PARN: variants seen among roughly 807,000 people sequenced by gnomAD.
The protein encoded by PARN is poly(A)-specific ribonuclease PARN.
PARN carries 71 observed loss-of-function variants against 102.8 expected under a neutral mutation model. The observed-to-expected ratio is 0.69, with a 90% CI of 0.57 to 0.84. The LOEUF (loss-of-function observed/expected upper bound fraction) is 0.84, where lower values mean the gene tolerates loss of function less well. PARN is among the 40% of genes least tolerant of loss of function. PARN has a pLI of 0.00. For missense variants in PARN, 782 were observed against 760.9 expected (o/e 1.03, Z -0.33); for synonymous variants, 261 against 252.9 (o/e 1.03, Z -0.30).
chr16:14,578,331 C>CAAAAAA (rs1199897215), intron 18 of PARN, among the ~76,000 whole-genome samples: 2 of 44,952 alleles, frequency 4.4e-5, no homozygotes, highest in Non-Finnish European at 8.3e-5. Context: ...TCTGTCTCAC[C>CAAAAAA]AAAAAAAAAA....
intron 14 of PARN, 108 bp from the exon 15 acceptor site, chr16:14,584,899 T>G (rs1596752949): frequency 1.6e-6 from 1 of 620,642 alleles, no homozygotes; most frequent in East Asian, 3.2e-5. Flanking sequence ...AAAACATAAT[T>G]AAAACATAAA....
intron 18 of PARN, among the ~76,000 whole-genome samples, chr16:14,569,391 C>G (rs562963994): frequency 8.5e-5 from 13 of 152,286 alleles, no homozygotes; most frequent in Admixed American, 4.6e-4. Flanking sequence ...TGCTGCCCAA[C>G]CAGGTGGAGA....
chr16:14,615,060 T>C (rs1176798161), intron 6 of PARN, among the ~76,000 whole-genome samples: 5 of 151,694 alleles, frequency 3.3e-5, no homozygotes, highest in South Asian at 4.2e-4. Context: ...CAAAAGGAAC[T>C]TGAGAGAAGA....
At chr16:14,532,172 TG>T (rs1027677822) in intron 21 of PARN, among the ~76,000 whole-genome samples, 4 of 149,390 alleles carry the variant, frequency 2.7e-5, no homozygotes, top group African/African-American at 9.8e-5. Context: ...ATTCAAACTC[TG>T]ATTTTTTTTT....
chr16:14,495,611 G>A (rs868814781), intron 21 of PARN, among the ~76,000 whole-genome samples: 3 of 152,198 alleles, frequency 2.0e-5, no homozygotes, highest in African/African-American at 2.4e-5. Context: ...GAGAGTGAGC[G>A]AGGAACCACG....
intron 18 of PARN, 22 bp downstream of exon 18, chr16:14,580,852 C>A (rs775853012): frequency 4.0e-6 from 6 of 1,488,062 alleles, no homozygotes; most frequent in African/African-American, 1.4e-5. Flanking sequence ...AACTTGGAAA[C>A]TGGAACTCTC....
intron 17 of PARN, 23 bp downstream of exon 17, chr16:14,582,158 A>C: frequency 7.0e-7 from 1 of 1,422,326 alleles, no homozygotes; most frequent in Non-Finnish European, 1.0e-6. Context: ...TGCGTGTTTG[A>C]CTGAAAGACA....
At chr16:14,510,201 G>A (rs1430491483) in intron 21 of PARN, among the ~76,000 whole-genome samples, 1 of 152,176 alleles carries the variant, frequency 6.6e-6, no homozygotes, top group Non-Finnish European at 1.5e-5. Flanking sequence ...GTTCATTTGT[G>A]AAGAAAAGGA....
chr16:14,626,615 CTT>C (rs994716095), intron 5 of PARN, among the ~76,000 whole-genome samples: 18 of 144,544 alleles, frequency 1.2e-4, no homozygotes, highest in Admixed American at 2.8e-4. Context: ...TTAATTCATT[CTT>C]TTTTTTTTTT....
At chr16:14,566,296 GAGAGGC>G (rs1256847149) in intron 18 of PARN, among the ~76,000 whole-genome samples, 1 of 152,178 alleles carries the variant, frequency 6.6e-6, no homozygotes, top group Non-Finnish European at 1.5e-5. Flanking sequence ...CCTCATAAGA[GAGAGGC>G]AGAGACAGAG....
chr16:14,507,553 G>A (rs1298709233), intron 21 of PARN, among the ~76,000 whole-genome samples: 1 of 151,668 alleles, frequency 6.6e-6, no homozygotes, highest in East Asian at 1.9e-4. Flanking sequence ...AAAAGGCATG[G>A]TGGTGTGTGT....
At position 14,519,392 on chromosome 16, in the gene PARN, T is replaced by C. The variant is rs1414936136; in HGVS notation, c.1480+32629A>G. On this transcript the variant is annotated intron_variant, in intron 21 of 23. Transcript: ENST00000437198. ...AAGAACATTTTCTGAGCTCTGTCTGTTGTAAAGCTCAGAAACAATAACCAA... is the reference window on the plus strand; with the variant it reads ...AAGAACATTTTCTGAGCTCTGTCTGCTGTAAAGCTCAGAAACAATAACCAA... 2.0e-5 allele frequency among the ~76,000 whole-genome samples: 3 copies of C among 150,568 alleles called. No homozygotes were observed. In the East Asian group the frequency reaches 5.9e-4, roughly 30 times the overall value.
chr16:14,629,189 G>A (rs1972868555), intron 2 of PARN, among the ~76,000 whole-genome samples: 1 of 152,196 alleles, frequency 6.6e-6, no homozygotes, highest in African/African-American at 2.4e-5. Flanking sequence ...AAGTCCTAGA[G>A]ATGGATGGTG....
chr16:14,601,367 T>C (rs1329188863), intron 11 of PARN, among the ~76,000 whole-genome samples: 1 of 152,122 alleles, frequency 6.6e-6, no homozygotes, highest in African/African-American at 2.4e-5. Context: ...GGAGGACAAA[T>C]ACTGTACTTA....
intron 18 of PARN, among the ~76,000 whole-genome samples, chr16:14,580,540 G>T (rs916579683): frequency 6.6e-6 from 1 of 152,064 alleles, no homozygotes; most frequent in Non-Finnish European, 1.5e-5. Flanking sequence ...GCCCACCTCA[G>T]CCTCCCAAAG....
chr16:14,438,897 G>A (rs774444505), intron 23 of PARN, among the ~76,000 whole-genome samples: 5 of 152,152 alleles, frequency 3.3e-5, no homozygotes, highest in South Asian at 2.1e-4. Context: ...CACTAACAGC[G>A]TTCTTTCCAG....
chr16:14,620,516 A>G (rs1260881285), intron 5 of PARN, among the ~76,000 whole-genome samples: 2 of 152,242 alleles, frequency 1.3e-5, no homozygotes, highest in African/African-American at 4.8e-5. Flanking sequence ...ATTCTTGGCC[A>G]AGTCAGAACA....
chr16:14,629,827 G>C (rs1026177504), intron 1 of PARN, among the ~76,000 whole-genome samples, 153 bp from the exon 2 acceptor site: 1 of 152,196 alleles, frequency 6.6e-6, no homozygotes, highest in African/African-American at 2.4e-5. Context: ...AGTCCTCGAG[G>C]GGTGCATGGG....
intron 22 of PARN, among the ~76,000 whole-genome samples, chr16:14,451,869 C>CAA (rs869041563): frequency 1.9e-3 from 98 of 52,486 alleles, no homozygotes; most frequent in Non-Finnish European, 2.1e-3. Flanking sequence ...AAAAAAAATA[C>CAA]AAAAAAAAAA....
Sources: allele counts gnomAD v4.1 joint callset (sites outside exome capture counted in the v4.1 genomes callset), GRCh38; gene constraint gnomAD v4.1.1; transcripts MANE v1.5; gene names NCBI Gene and HGNC (gene_info 2026-07-23, HGNC 2026-07-21).